The following ZCCHC24 variants were observed in gnomAD, a reference collection of about 807,000 sequenced individuals.
The protein encoded by ZCCHC24 is zinc finger CCHC-type containing 24, also known as zinc finger CCHC domain-containing protein 24.
In ZCCHC24, 10 loss-of-function variants were observed where a neutral mutation model predicts 26.2. The observed-to-expected ratio is 0.38, with a 90% CI of 0.24 to 0.65. The LOEUF is 0.65. Among genes scored for constraint, ZCCHC24 ranks in the 30% least tolerant of loss-of-function variants. ZCCHC24 has a pLI of 0.54. For missense variants in ZCCHC24, 243 were observed against 329.1 expected, an observed-to-expected ratio of 0.74 and a Z score of 2.03; for synonymous variants, 144 against 147.1, an observed-to-expected ratio of 0.98 and a Z score of 0.15.
At chr10:79,419,718 A>T (rs1378007307) in intron 2 of ZCCHC24, among the ~76,000 whole-genome samples, 1 of 152,112 alleles carries the variant, frequency 6.6e-6, no homozygotes, top group African/African-American at 2.4e-5. Context: ...TTCCCAAAGG[A>T]GGTGACACTT....
chr10:79,404,765 C>T (rs2279335), intron 2 of ZCCHC24, among the ~76,000 whole-genome samples: 59,717 of 152,054 alleles, frequency 0.39, 14,585 homozygotes, highest in East Asian at 0.79. Context: ...TGGGCCTCAC[C>T]GCAGAGCTGA....
At chr10:79,430,056 G>T (rs1003259144) in intron 2 of ZCCHC24, among the ~76,000 whole-genome samples, 1 of 152,090 alleles carries the variant, frequency 6.6e-6, no homozygotes, top group Non-Finnish European at 1.5e-5. Flanking sequence ...TTGCCAGATG[G>T]GTGCACTCTT....
chr10:79,428,877 G>A (rs1857085610), intron 2 of ZCCHC24, among the ~76,000 whole-genome samples: 2 of 152,116 alleles, frequency 1.3e-5, no homozygotes, highest in South Asian at 4.1e-4. Context: ...AGACAAATTA[G>A]ATAAAATGGA....
At position 79,416,912 on chromosome 10, in the gene ZCCHC24, C is replaced by T. The variant is rs373593864; in HGVS notation, c.447+15646G>A. Reference sequence around the variant, plus strand: ...CGGAACACAGTGAGCGCTCCCTGTGCGTGTAGCTGCTGTGCTGTTAATATG... The same window carrying T: ...CGGAACACAGTGAGCGCTCCCTGTGTGTGTAGCTGCTGTGCTGTTAATATG... On this transcript the variant is annotated intron_variant, in intron 2 of 3. Coordinates refer to ENST00000372336, the MANE Select transcript of ZCCHC24 (RefSeq NM_153367.4). Among the ~76,000 whole-genome samples, 123 of 152,234 alleles carry T rather than the reference C, an allele frequency of 8.1e-4. No individual in the cohort carries two copies. In the South Asian group the frequency reaches 0.021, roughly 26 times the overall value.
chr10:79,386,536 C>T, intron 3 of ZCCHC24, 78 bp from the exon 4 acceptor site: 2 of 1,159,396 alleles, frequency 1.7e-6, no homozygotes, highest in Non-Finnish European at 2.4e-6. Flanking sequence ...CAGGGAGAGA[C>T]ACACAGAGAC....
intron 1 of ZCCHC24, among the ~76,000 whole-genome samples, chr10:79,442,043 C>T (rs1202467135): frequency 1.3e-5 from 2 of 152,208 alleles, no homozygotes; most frequent in Non-Finnish European, 2.9e-5. Context: ...AGACCCCATG[C>T]AGCCCAGCCC....
chr10:79,444,277 C>G, intron 1 of ZCCHC24: 1 of 1,422,410 alleles, frequency 7.0e-7, no homozygotes. Flanking sequence ...GTCCAGCCCA[C>G]GGAAAGGAGT....
intron 1 of ZCCHC24, among the ~76,000 whole-genome samples, chr10:79,435,386 G>A (rs1857201996): frequency 6.6e-6 from 1 of 152,102 alleles, no homozygotes; most frequent in Non-Finnish European, 1.5e-5. Context: ...CCCTGCCCAC[G>A]GACGGCCCCA....
rs768800758 is a variant in ZCCHC24 at position 79,432,562 on chromosome 10, G to A, written c.443C>T (p.Pro148Leu). The change falls in exon 2 of 4, where the codon CCC becomes CTC. Residue 148 changes from proline (P) to leucine (L), a missense_variant. Physicochemically the swap from Pro to Leu is moderately conservative, Grantham distance 98 (BLOSUM62 -3). Around this residue, in one of 2 missense-constraint regions of ZCCHC24, gnomAD observed 96 missense variants for 178.3 expected, o/e 0.54. Coordinates refer to ENST00000372336, the MANE Select transcript of ZCCHC24 (RefSeq NM_153367.4). Reference protein sequence around the residue: ...FNKGHYIKDCPQARPKGEGLT... With the variant: ...FNKGHYIKDCLQARPKGEGLT... ...CCTGGGCCAGGGCTGCCTTACCTGG[G>A]GGCAGTCCTTGATGTAGTGTCCTTT... 1.3e-6 allele frequency: 2 copies of A among 1,594,686 alleles called. No homozygotes were observed.
At chr10:79,402,026 G>A (rs957774430) in intron 2 of ZCCHC24, among the ~76,000 whole-genome samples, 5 of 152,190 alleles carry the variant, frequency 3.3e-5, no homozygotes, top group African/African-American at 9.7e-5. Flanking sequence ...ACAGGGGTGG[G>A]GCAACTAGTC....
rs1171258199 is a variant in ZCCHC24 at position 79,435,456 on chromosome 10, AC to A, written c.247-2699del. Among the ~76,000 whole-genome samples the A allele has an allele frequency of 5.9e-5, 9 of 152,104 alleles. No individual in the cohort carries two copies. In the East Asian group the frequency reaches 1.7e-3, roughly 30 times the overall value. Reference sequence around the variant, plus strand: ...GGTGCCCTCTCCTTGGCAGCTCGACACCCCACCCTCTGGAGGGCCGCAGCCT... The same window carrying A: ...GGTGCCCTCTCCTTGGCAGCTCGACACCCACCCTCTGGAGGGCCGCAGCCT... On this transcript the variant is annotated intron_variant, in intron 1 of 3. Transcript: ENST00000372336.
At position 79,429,300 on chromosome 10, in the gene ZCCHC24, G is replaced by A. The variant is rs180810862; in HGVS notation, c.447+3258C>T. ...GATGGATGATCAAGAGGTGACATCT[G>A]GGCCAGGAGAGGTGGCTCATGCCTG... On this transcript the variant is annotated intron_variant, in intron 2 of 3. Coordinates refer to ENST00000372336, the MANE Select transcript of ZCCHC24 (RefSeq NM_153367.4). Among the ~76,000 whole-genome samples, 13 of 152,298 alleles carry A rather than the reference G, an allele frequency of 8.5e-5. 1 individual carries two copies. The highest frequency in any genetic ancestry group is 4.6e-4 in the Admixed American group (7 of 15,296).
At chr10:79,411,260 C>G (rs1230760474) in intron 2 of ZCCHC24, among the ~76,000 whole-genome samples, 1 of 152,180 alleles carries the variant, frequency 6.6e-6, no homozygotes, top group Non-Finnish European at 1.5e-5. Flanking sequence ...TAAAAAGAGG[C>G]CTTGACCTCT....
chr10:79,396,496 A>G (rs1267585862), intron 2 of ZCCHC24, among the ~76,000 whole-genome samples: 1 of 152,120 alleles, frequency 6.6e-6, no homozygotes, highest in Non-Finnish European at 1.5e-5. Flanking sequence ...GCTCCCACCA[A>G]CTAGAGCTGA....
intron 2 of ZCCHC24, among the ~76,000 whole-genome samples, chr10:79,419,297 C>T (rs1217522246): frequency 6.6e-6 from 1 of 152,206 alleles, no homozygotes; most frequent in Non-Finnish European, 1.5e-5. Flanking sequence ...TGTGGGATGC[C>T]AAGCCCTGCA....
intron 1 of ZCCHC24, among the ~76,000 whole-genome samples, chr10:79,438,225 C>T (rs1037653775): frequency 5.3e-5 from 8 of 152,152 alleles, no homozygotes; most frequent in African/African-American, 9.7e-5. Flanking sequence ...CCCACAGACA[C>T]GCGCACACAC....
intron 2 of ZCCHC24, among the ~76,000 whole-genome samples, chr10:79,406,124 C>T (rs1326927265): frequency 1.3e-5 from 2 of 152,188 alleles, no homozygotes; most frequent in Admixed American, 6.5e-5. Context: ...GGGCTGGCCA[C>T]GCACACAACC....
intron 2 of ZCCHC24, among the ~76,000 whole-genome samples, chr10:79,405,957 C>A (rs1007692132): frequency 1.3e-5 from 2 of 152,240 alleles, no homozygotes; most frequent in African/African-American, 4.8e-5. Flanking sequence ...AAAACCCTCA[C>A]ATAAATCACC....
intron 1 of ZCCHC24, among the ~76,000 whole-genome samples, chr10:79,433,174 C>T (rs1190014422): frequency 1.3e-5 from 2 of 152,216 alleles, no homozygotes; most frequent in Non-Finnish European, 2.9e-5. Flanking sequence ...AGATTTGGGG[C>T]TCTGCCACTA....
Sources: allele counts gnomAD v4.1 joint callset (sites outside exome capture counted in the v4.1 genomes callset), GRCh38; gene constraint gnomAD v4.1.1; regional missense constraint gnomAD v4.1.1; transcripts MANE v1.5; gene names NCBI Gene and HGNC (gene_info 2026-07-23, HGNC 2026-07-21).